Variants in AEBP1 observed in about 807,000 individuals in gnomAD.
AEBP1 encodes the protein AE binding protein 1.
In AEBP1, 69 loss-of-function variants were observed where a neutral mutation model predicts 116.5. The ratio of observed to expected loss-of-function variants is 0.59; its 90% CI spans 0.49 to 0.72. The LOEUF (loss-of-function observed/expected upper bound fraction) is 0.72. AEBP1 is among the 30% of genes least tolerant of loss of function. AEBP1 has a pLI of 0.00. For missense variants in AEBP1, 1,444 were observed against 1,557.5 expected (o/e 0.93, Z 1.23); for synonymous variants, 627 against 627.3 (o/e 1.00, Z 0.01).
At position 44,113,421 on chromosome 7, in the gene AEBP1, G is replaced by A; in HGVS notation, c.2809+70G>A. Reference sequence around the variant, plus strand: ...CCGCCAGAGAGGGTGGGGGCTTGAGGAACTCAGCGAGCAGGTAGAGTCTGG... The same window carrying A: ...CCGCCAGAGAGGGTGGGGGCTTGAGAAACTCAGCGAGCAGGTAGAGTCTGG... On this transcript the variant is annotated intron_variant, in intron 20 of 20. Coordinates refer to ENST00000223357, the MANE Select transcript of AEBP1 (RefSeq NM_001129.5). This position sits in a 1 kb window ranked among gnomAD's most constrained non-coding sequence, Gnocchi z 5.3. The A allele has an allele frequency of 6.6e-7, 1 of 1,505,094 alleles. No homozygotes were observed. Among genetic ancestry groups the A allele is most frequent in the Non-Finnish European group, 9.0e-7 (1 of 1,107,530 alleles). The allele number at this position is 1,505,094 out of a possible 1,614,324, so 93.2% of individuals were successfully genotyped here.
In AEBP1 at chr7:44,113,622, G is replaced by A; in HGVS notation, c.2838G>A (p.Leu946=). The A allele has an allele frequency of 6.2e-7, 1 of 1,612,838 alleles. No homozygotes were observed. The highest frequency in any genetic ancestry group is 1.3e-5 in the African/African-American group (1 of 74,988). ...GTGGTGGTGATTACTGGCGAATCTT[G>A]AACCCGGGTGAGTACCGCGTGACAG... The part of the protein sequence containing the change: ...TASGGDYWRI[L]NPGEYRVTAH... Residue 946 remains leucine (L), a synonymous_variant, in exon 21 of 21, where the codon TTG becomes TTA. Transcript: ENST00000223357. This position sits in a 1 kb window ranked among gnomAD's most constrained non-coding sequence, Gnocchi z 5.3.
Position 44,114,301 on chromosome 7 carries a change from C to G in AEBP1, c.*40C>G, listed in dbSNP as rs1330040954. On this transcript the variant is annotated 3_prime_UTR_variant, in exon 21 of 21. Transcript: ENST00000223357. ...CAAGACCCCAGCCCAACTCAAGCTACAGCAGCAGCACTTCCCAAGCCTGCT... is the reference window on the plus strand; with the variant it reads ...CAAGACCCCAGCCCAACTCAAGCTAGAGCAGCAGCACTTCCCAAGCCTGCT... The G allele has an allele frequency of 1.2e-6, 2 of 1,604,378 alleles. No homozygotes were observed. The highest frequency in any genetic ancestry group is 1.7e-6 in the Non-Finnish European group (2 of 1,172,714).
chr7:44,111,444 A>AG lies in AEBP1; in HGVS notation c.1717-59dup. ...CCATAGAGCAGGCCCTGGAAGTGGA[A>AG]GGGGCATGGTCAGCGGGGGACGGAT... On this transcript the variant is annotated intron_variant, in intron 14 of 20. Transcript: ENST00000223357. The surrounding 1 kb of genome is among the most constrained non-coding windows in gnomAD (Gnocchi z 4.7). 1.3e-6 allele frequency: 2 copies of AG among 1,516,324 alleles called. No individual in the cohort carries two copies. Among genetic ancestry groups the AG allele is most frequent in the Non-Finnish European group, 1.8e-6 (2 of 1,131,512 alleles). 93.9% of individuals were successfully genotyped at this position (1,516,324 alleles called of 1,614,324 possible). A position where few individuals can be genotyped will look rare whatever the true frequency, so the allele number is the denominator to read the frequency against.
rs1244167678 is a variant in AEBP1 at position 44,108,190 on chromosome 7, C to T, written c.940+106C>T. 1 of 1,140,972 alleles carries T rather than the reference C, an allele frequency of 8.8e-7. No homozygotes were observed. The highest frequency in any genetic ancestry group is 1.5e-5 in the African/African-American group (1 of 65,150). 70.7% of individuals were successfully genotyped at this position (1,140,972 alleles called of 1,614,324 possible). On this transcript the variant is annotated intron_variant, in intron 6 of 20. Coordinates refer to ENST00000223357, the MANE Select transcript of AEBP1 (RefSeq NM_001129.5). This position sits in a 1 kb window ranked among gnomAD's most constrained non-coding sequence, Gnocchi z 5.0. ...GCAACTCACCCACCTTGCAACCCCA[C>T]CTGTGCCCGTGGTTACCTCGCTGTC...
rs746915152 is a variant in AEBP1, at chr7:44,108,053, T to C, written c.909T>C (p.Gly303=). The C allele has an allele frequency of 1.2e-6, 2 of 1,600,876 alleles. No individual in the cohort carries two copies. The highest frequency in any genetic ancestry group is 1.7e-6 in the Non-Finnish European group (2 of 1,175,318). ...PLLPPLPPDY[G]DGYVIPNYDD... ...TGCCCCCGCTGCCCCCTGACTATGGTGATGGTTACGTGATCCCCAACTACG... is the reference window on the plus strand; with the variant it reads ...TGCCCCCGCTGCCCCCTGACTATGGCGATGGTTACGTGATCCCCAACTACG... Residue 303 remains glycine, a synonymous_variant, in exon 6 of 21, where the codon GGT becomes GGC. Coordinates refer to ENST00000223357, the MANE Select transcript of AEBP1 (RefSeq NM_001129.5). The surrounding 1 kb of genome is among the most constrained non-coding windows in gnomAD (Gnocchi z 5.0).
At chr7:44,106,178 T>G in intron 1 of AEBP1, 1 of 484,596 alleles carries the variant, frequency 2.1e-6, no homozygotes, top group African/African-American at 1.9e-5. Flanking sequence ...CCTCCAGGCC[T>G]GGATGGCTCA....
At position 44,108,482 on chromosome 7, in the gene AEBP1, C is replaced by T. The variant is rs2096225410; in HGVS notation, c.940+398C>T. Reference sequence around the variant, plus strand: ...TCCCTGTTGCTCATGCCCCTGCGTCCCTGGAGCCCTCAGGTTCCCTTTCCT... The same window carrying T: ...TCCCTGTTGCTCATGCCCCTGCGTCTCTGGAGCCCTCAGGTTCCCTTTCCT... On this transcript the variant is annotated intron_variant, in intron 6 of 20. Transcript: ENST00000223357. This position sits in a 1 kb window ranked among gnomAD's most constrained non-coding sequence, Gnocchi z 5.0. Among the ~76,000 whole-genome samples, 1 of 152,160 alleles carries T rather than the reference C, an allele frequency of 6.6e-6. No homozygotes were observed. The highest frequency in any genetic ancestry group is 1.5e-5 in the Non-Finnish European group (1 of 68,008).
chr7:44,112,458 G>C lies in AEBP1; in HGVS notation c.2218-100G>C, dbSNP rs2096230591. ...TCTGGGGGTTGGGGGACAGGGGATCGTGCGAGTACTGGTGTGAAGCTTCAT... is the reference window on the plus strand; with the variant it reads ...TCTGGGGGTTGGGGGACAGGGGATCCTGCGAGTACTGGTGTGAAGCTTCAT... On this transcript the variant is annotated intron_variant, in intron 17 of 20. Coordinates refer to ENST00000223357, the MANE Select transcript of AEBP1 (RefSeq NM_001129.5). The surrounding 1 kb of genome is among the most constrained non-coding windows in gnomAD (Gnocchi z 6.6). 3.6e-6 allele frequency: 5 copies of C among 1,387,596 alleles called. No homozygotes were observed. Among genetic ancestry groups the C allele is most frequent in the East Asian group, 2.4e-5 (1 of 41,796 alleles). 86.0% of individuals were successfully genotyped at this position (1,387,596 alleles called of 1,614,324 possible). A position where few individuals can be genotyped will look rare whatever the true frequency, so the allele number is the denominator to read the frequency against.
At position 44,113,310 on chromosome 7, in the gene AEBP1, C is replaced by G. The variant is rs1379457020; in HGVS notation, c.2768C>G (p.Ala923Gly). 6.2e-7 allele frequency: 1 copy of G among 1,613,584 alleles called. No homozygotes were observed. The highest frequency in any genetic ancestry group is 1.1e-5 in the South Asian group (1 of 91,034). Residue 923 changes from alanine to glycine, a missense_variant, in exon 20 of 21, where the codon GCC (alanine) becomes GGC (glycine). Coordinates refer to ENST00000223357, the MANE Select transcript of AEBP1 (RefSeq NM_001129.5). The surrounding 1 kb of genome is among the most constrained non-coding windows in gnomAD (Gnocchi z 5.3). ...TDEQGIPIAN[A>G]TISVSGINHG... ...GAGCAAGGCATCCCCATTGCCAACG[C>G]CACCATCTCTGTGAGTGGCATTAAT... is the stretch of plus-strand genomic sequence containing the variant.
rs937655398 is a variant in AEBP1 at position 44,104,578 on chromosome 7, G to C, written c.-88G>C. Reference sequence around the variant, plus strand: ...CGCCCCTTCCTGGATTCCCTCACCCGTCTCGATCCCCTCTCCGCCCTTTCC... The same window carrying C: ...CGCCCCTTCCTGGATTCCCTCACCCCTCTCGATCCCCTCTCCGCCCTTTCC... On this transcript the variant is annotated 5_prime_UTR_variant, in exon 1 of 21. Coordinates refer to ENST00000223357, the MANE Select transcript of AEBP1 (RefSeq NM_001129.5). 8.0e-6 allele frequency: 7 copies of C among 870,454 alleles called. No homozygotes were observed. The highest frequency in any genetic ancestry group is 1.1e-5 in the Non-Finnish European group (7 of 621,946). The allele number at this position is 870,454 out of a possible 1,614,324, so 53.9% of individuals were successfully genotyped here.
Position 44,111,816 on chromosome 7 carries a change from G to T in AEBP1, c.1841-38G>T, listed in dbSNP as rs765827519. On this transcript the variant is annotated intron_variant, in intron 15 of 20. Coordinates refer to ENST00000223357, the MANE Select transcript of AEBP1 (RefSeq NM_001129.5). The surrounding 1 kb of genome is among the most constrained non-coding windows in gnomAD (Gnocchi z 4.7). ...TCCTTCCTCAGCTGCCCTGGGCCTC[G>T]GGAGACTGAGTGCTCACTGAGGCTC... 6.3e-7 allele frequency: 1 copy of T among 1,593,474 alleles called. No individual in the cohort carries two copies. Among genetic ancestry groups the T allele is most frequent in the African/African-American group, 1.3e-5 (1 of 74,566 alleles).
rs1275643687 is a variant in AEBP1, at chr7:44,111,496, C to G, written c.1717-11C>G. 6 of 1,572,842 alleles carry G rather than the reference C, an allele frequency of 3.8e-6. No individual in the cohort carries two copies. Among genetic ancestry groups the G allele is most frequent in the Non-Finnish European group, 5.2e-6 (6 of 1,159,992 alleles). ...GCATGATTGATTCCACGTCCTCCCCCTCTGCCCCAGCTCATGAAGGTGGTG... is the reference window on the plus strand; with the variant it reads ...GCATGATTGATTCCACGTCCTCCCCGTCTGCCCCAGCTCATGAAGGTGGTG... On this transcript the variant is annotated splice_polypyrimidine_tract_variant and intron_variant, in intron 14 of 20. Coordinates refer to ENST00000223357, the MANE Select transcript of AEBP1 (RefSeq NM_001129.5). This position sits in a 1 kb window ranked among gnomAD's most constrained non-coding sequence, Gnocchi z 4.7.
At position 44,106,726 on chromosome 7, in the gene AEBP1, A is replaced by C. The variant is rs763213790; in HGVS notation, c.434A>C (p.Lys145Thr). The C allele has an allele frequency of 3.1e-6, 5 of 1,611,966 alleles. No individual in the cohort carries two copies. Among genetic ancestry groups the C allele is most frequent in the Non-Finnish European group, 4.2e-6 (5 of 1,179,482 alleles). ...PPKATKKPKEKPPKATKKPKE... is the reference protein window; with the variant it reads ...PPKATKKPKETPPKATKKPKE... ...AAGGCCACCAAGAAGCCCAAGGAGA[A>C]GCCACCCAAGGCCACCAAGAAGCCC... is the stretch of plus-strand genomic sequence containing the variant. Residue 145 changes from lysine (K) to threonine (T), a missense_variant, in exon 2 of 21, where the codon AAG becomes ACG. By Grantham distance (78) the Lys-to-Thr change is moderately conservative. Transcript: ENST00000223357.
In AEBP1 at chr7:44,108,403, C is replaced by T. The variant is rs1324729137; in HGVS notation, c.940+319C>T. On this transcript the variant is annotated intron_variant, in intron 6 of 20. Transcript: ENST00000223357. This position sits in a 1 kb window ranked among gnomAD's most constrained non-coding sequence, Gnocchi z 5.0. Reference sequence around the variant, plus strand: ...CAGTCCTGTGCTCTAACTGGCTTCCCGCTGGCTCGTGGCCACTGCCCCACT... The same window carrying T: ...CAGTCCTGTGCTCTAACTGGCTTCCTGCTGGCTCGTGGCCACTGCCCCACT... Among the ~76,000 whole-genome samples, 2 of 152,108 alleles carry T rather than the reference C, an allele frequency of 1.3e-5. No homozygotes were observed. The highest frequency in any genetic ancestry group is 2.9e-5 in the Non-Finnish European group (2 of 68,000).
chr7:44,107,007 G>GCT lies in AEBP1; in HGVS notation c.595+120_595+121insCT. On this transcript the variant is annotated intron_variant, in intron 2 of 20. Coordinates refer to ENST00000223357, the MANE Select transcript of AEBP1 (RefSeq NM_001129.5). The surrounding 1 kb of genome is among the most constrained non-coding windows in gnomAD (Gnocchi z 4.3). ...ATAGACCTTCAGCTCCCCACTGGAT[G>GCT]GGAACCTCACTTTTGCTATAAATTT... The GCT allele has an allele frequency of 1.3e-6, 1 of 748,180 alleles. No homozygotes were observed. Among genetic ancestry groups the GCT allele is most frequent in the Non-Finnish European group, 2.1e-6 (1 of 469,684 alleles). 46.3% of individuals were successfully genotyped at this position (748,180 alleles called of 1,614,324 possible).
In AEBP1 at chr7:44,111,075, G is replaced by A; in HGVS notation, c.1630+18G>A. The A allele has an allele frequency of 1.2e-6, 2 of 1,602,710 alleles. No homozygotes were observed. Among genetic ancestry groups the A allele is most frequent in the Non-Finnish European group, 1.7e-6 (2 of 1,172,798 alleles). On this transcript the variant is annotated intron_variant, in intron 13 of 20. Transcript: ENST00000223357. The surrounding 1 kb of genome is among the most constrained non-coding windows in gnomAD (Gnocchi z 4.7). ...TGTGGCCCGTGAGTGTGGAGGGCTGGCAGGGGCTCTGAGTGGAGGTGGGGT... is the reference window on the plus strand; with the variant it reads ...TGTGGCCCGTGAGTGTGGAGGGCTGACAGGGGCTCTGAGTGGAGGTGGGGT...
rs750113954 is a variant in AEBP1 at position 44,113,788 on chromosome 7, A to G, written c.3004A>G (p.Ile1002Val). The G allele has an allele frequency of 6.2e-7, 1 of 1,614,078 alleles. No individual in the cohort carries two copies. The highest frequency in any genetic ancestry group is 1.1e-5 in the South Asian group (1 of 91,088). ...CATGGCCATGAACGGGAACCGGCCTATCCCACACATAGACCCATCGCGCCC... is the reference window on the plus strand; with the variant it reads ...CATGGCCATGAACGGGAACCGGCCTGTCCCACACATAGACCCATCGCGCCC... ...EIMAMNGNRP[I>V]PHIDPSRPMT... Residue 1002 changes from isoleucine to valine, a missense_variant, in exon 21 of 21, where the codon ATC becomes GTC. Physicochemically the swap from Ile to Val is conservative, Grantham distance 29. Transcript: ENST00000223357. This position sits in a 1 kb window ranked among gnomAD's most constrained non-coding sequence, Gnocchi z 5.3.
At position 44,111,348 on chromosome 7, in the gene AEBP1, C is replaced by A; in HGVS notation, c.1716+109C>A. On this transcript the variant is annotated intron_variant, in intron 14 of 20. Transcript: ENST00000223357. This position sits in a 1 kb window ranked among gnomAD's most constrained non-coding sequence, Gnocchi z 4.7. ...CCAGTCCCTACTGGTTCCAGGGATG[C>A]TGGCTGTCCCTCACCTTAGGAAGGA... 7.1e-7 allele frequency: 1 copy of A among 1,399,750 alleles called. No homozygotes were observed. Among genetic ancestry groups the A allele is most frequent in the Non-Finnish European group, 9.5e-7 (1 of 1,054,922 alleles). 86.7% of individuals were successfully genotyped at this position (1,399,750 alleles called of 1,614,324 possible).
At position 44,108,927 on chromosome 7, in the gene AEBP1, C is replaced by G; in HGVS notation, c.969C>G (p.Pro323=). ...ACTATTACTTTGGGCCTCCTCCGCC[C>G]CAGAAGCCCGATGCTGAGCGCCAGA... The part of the protein sequence containing the change: ...DMDYYFGPPP[P]QKPDAERQTD... The change falls in exon 7 of 21, where the codon CCC becomes CCG. Residue 323 remains proline (P), a synonymous_variant. Coordinates refer to ENST00000223357, the MANE Select transcript of AEBP1 (RefSeq NM_001129.5). The surrounding 1 kb of genome is among the most constrained non-coding windows in gnomAD (Gnocchi z 5.0). 1 of 1,595,984 alleles carries G rather than the reference C, an allele frequency of 6.3e-7. No individual in the cohort carries two copies. Among genetic ancestry groups the G allele is most frequent in the Non-Finnish European group, 8.5e-7 (1 of 1,172,150 alleles).
Sources: allele counts gnomAD v4.1 joint callset (sites outside exome capture counted in the v4.1 genomes callset), GRCh38; gene constraint gnomAD v4.1.1; non-coding constraint Gnocchi (gnomAD v3.1); transcripts MANE v1.5; gene names NCBI Gene and HGNC (gene_info 2026-07-23, HGNC 2026-07-21).